PPFIA2: variants seen among roughly 807,000 people sequenced by gnomAD.
PPFIA2 encodes the protein liprin-alpha-2.
In PPFIA2, 46 loss-of-function variants were observed where a neutral mutation model predicts 175.5. The ratio of observed to expected loss-of-function variants is 0.26; its 90% confidence interval spans 0.21 to 0.34. PPFIA2 has a LOEUF of 0.34. PPFIA2 is among the 10% of genes least tolerant of loss of function. The probability of loss-of-function intolerance (pLI) is 1.00; values close to 1 mark genes in which losing one functional copy is unlikely to be tolerated. For synonymous variants in PPFIA2, 568 were observed against 511.4 expected (o/e 1.11, Z -1.49); for missense variants, 1,179 against 1,506.1 (o/e 0.78, Z 3.60).
rs1209332082 is a variant in PPFIA2 at position 81,267,304 on chromosome 12, T to C, written c.3487-284A>G. 1.5e-5 allele frequency: 7 copies of C among 459,636 alleles called. No homozygotes were observed. In the East Asian group the frequency reaches 3.7e-4, roughly 25 times the overall value. The allele number at this position is 459,636 out of a possible 1,614,324, so 28.5% of individuals were successfully genotyped here. A position where few individuals can be genotyped will look rare whatever the true frequency, so the allele number is the denominator to read the frequency against. ...TACTATATTTCAATTGAGTATTTTG[T>C]TTAATCTCTGAAATATGTAAAAACA... On this transcript the variant is annotated intron_variant, in intron 29 of 32. Coordinates refer to ENST00000549396, the MANE Select transcript of PPFIA2 (RefSeq NM_003625.5).
intron 4 of PPFIA2, among the ~76,000 whole-genome samples, chr12:81,497,062 C>T (rs1041350650): frequency 6.6e-5 from 10 of 152,116 alleles, no homozygotes; most frequent in African/African-American, 2.2e-4. Flanking sequence ...AATTAAAATT[C>T]CCAAATAATA....
intron 4 of PPFIA2, among the ~76,000 whole-genome samples, chr12:81,562,586 G>A (rs1427828931): frequency 1.3e-5 from 2 of 151,932 alleles, no homozygotes; most frequent in Non-Finnish European, 2.9e-5. Flanking sequence ...GGTGGCTCAC[G>A]CCTGTAATCC....
intron 4 of PPFIA2, among the ~76,000 whole-genome samples, chr12:81,651,236 G>A (rs1388812417): frequency 2.6e-5 from 4 of 152,120 alleles, no homozygotes; most frequent in South Asian, 4.1e-4. Context: ...GAGACTGCTG[G>A]AGGGAAAAGG....
intron 4 of PPFIA2, among the ~76,000 whole-genome samples, chr12:81,655,042 G>A (rs2067563241): frequency 6.6e-6 from 1 of 151,982 alleles, no homozygotes; most frequent in African/African-American, 2.4e-5. Context: ...TGGTTGAAGT[G>A]TGTTTTTCTA....
chr12:81,467,730 A>T (rs538116635), intron 4 of PPFIA2, among the ~76,000 whole-genome samples: 10 of 152,330 alleles, frequency 6.6e-5, no homozygotes, highest in African/African-American at 2.4e-4. Context: ...AAATGCAATG[A>T]TAGTATAAAA....
Position 81,304,867 on chromosome 12 carries a change from A to G in PPFIA2, c.2643-5485T>C, listed in dbSNP as rs118052442. Among the ~76,000 whole-genome samples the G allele has an allele frequency of 2.7e-3, 416 of 152,200 alleles. 1 individual carries two copies. The highest frequency in any genetic ancestry group is 4.4e-3 in the Non-Finnish European group (299 of 67,990). Reference sequence around the variant, plus strand: ...TCAGAGGGTTTAAGCACAAGAACATAAAATAATTTGTACATTATAAAGGCA... The same window carrying G: ...TCAGAGGGTTTAAGCACAAGAACATGAAATAATTTGTACATTATAAAGGCA... On this transcript the variant is annotated intron_variant, in intron 22 of 32. Coordinates refer to ENST00000549396, the MANE Select transcript of PPFIA2 (RefSeq NM_003625.5).
intron 7 of PPFIA2, among the ~76,000 whole-genome samples, chr12:81,426,604 T>G (rs1199956164): frequency 1.3e-5 from 2 of 152,202 alleles, no homozygotes; most frequent in African/African-American, 4.8e-5. Flanking sequence ...AGTAAAATCA[T>G]TAGCAGTCAA....
chr12:81,551,392 A>G (rs1340299690), intron 4 of PPFIA2, among the ~76,000 whole-genome samples: 1 of 152,038 alleles, frequency 6.6e-6, no homozygotes, highest in Non-Finnish European at 1.5e-5. Flanking sequence ...AGTACAGTCC[A>G]CCTTCCATGT....
intron 3 of PPFIA2, among the ~76,000 whole-genome samples, chr12:81,725,457 T>C (rs2079941734): frequency 1.3e-5 from 2 of 150,874 alleles, no homozygotes; most frequent in African/African-American, 2.4e-5. Flanking sequence ...TTTAGTTCTT[T>C]TAAACTGCAG....
chr12:81,452,993 T>C (rs1220840187), intron 5 of PPFIA2, among the ~76,000 whole-genome samples: 2 of 146,546 alleles, frequency 1.4e-5, no homozygotes, highest in Non-Finnish European at 3.0e-5. Context: ...TTTTCTTTTT[T>C]TTTAATTTTT....
chr12:81,547,479 G>T (rs541103487), intron 4 of PPFIA2, among the ~76,000 whole-genome samples: 4 of 151,800 alleles, frequency 2.6e-5, no homozygotes, highest in African/African-American at 9.7e-5. Flanking sequence ...TGGTTCAAGC[G>T]ATTCTCCTGC....
chr12:81,572,522 A>T (rs80212746), intron 4 of PPFIA2, among the ~76,000 whole-genome samples: 1,719 of 152,142 alleles, frequency 0.011, 33 homozygotes, highest in African/African-American at 0.039. Context: ...CAATGCCAAA[A>T]ACAGTGCCTA....
At chr12:81,353,074 A>G in intron 17 of PPFIA2, 45 bp downstream of exon 17, 1 of 1,534,796 alleles carries the variant, frequency 6.5e-7, no homozygotes, top group Non-Finnish European at 9.0e-7. Flanking sequence ...GTACAGTATC[A>G]AGGTCTTCTA....
intron 4 of PPFIA2, among the ~76,000 whole-genome samples, chr12:81,596,895 T>C (rs2059305065): frequency 1.3e-5 from 2 of 152,028 alleles, no homozygotes; most frequent in Non-Finnish European, 2.9e-5. Context: ...GAATTAAAAA[T>C]AGAAGTATAG....
intron 4 of PPFIA2, chr12:81,512,380 A>T: frequency 1.1e-5 from 14 of 1,286,892 alleles, no homozygotes; most frequent in Non-Finnish European, 1.3e-5. Flanking sequence ...TTCTCTGAGC[A>T]TTCTACCTTC....
At chr12:81,312,689 T>C (rs1264146254) in intron 22 of PPFIA2, among the ~76,000 whole-genome samples, 1 of 152,216 alleles carries the variant, frequency 6.6e-6, no homozygotes, top group East Asian at 1.9e-4. Flanking sequence ...AAAATCTAGA[T>C]TCTATTTCTC....
chr12:81,461,743 A>C (rs1429725108), intron 4 of PPFIA2, among the ~76,000 whole-genome samples: 1 of 151,434 alleles, frequency 6.6e-6, no homozygotes, highest in Non-Finnish European at 1.5e-5. Flanking sequence ...CTACCTTTTC[A>C]TTTTTTTCAA....
Position 81,746,158 on chromosome 12 carries a change from A to T in PPFIA2, c.249+7815T>A, listed in dbSNP as rs2083039062. Among the ~76,000 whole-genome samples the T allele has an allele frequency of 1.4e-5, 2 of 144,516 alleles. 1 individual carries two copies. Among genetic ancestry groups the T allele is most frequent in the Non-Finnish European group, 3.1e-5 (2 of 64,390 alleles). 94.8% of individuals were successfully genotyped at this position (144,516 alleles called of 152,430 possible). ...ACTTTAATATCTGGGTGCTTAAATAAAATACTGAATGGCATAGCGGGAGTG... is the reference window on the plus strand; with the variant it reads ...ACTTTAATATCTGGGTGCTTAAATATAATACTGAATGGCATAGCGGGAGTG... On this transcript the variant is annotated intron_variant, in intron 3 of 32. Coordinates refer to ENST00000549396, the MANE Select transcript of PPFIA2 (RefSeq NM_003625.5).
At chr12:81,453,364 A>C (rs1023617832) in intron 5 of PPFIA2, among the ~76,000 whole-genome samples, 3 of 152,148 alleles carry the variant, frequency 2.0e-5, no homozygotes, top group African/African-American at 7.2e-5. Context: ...TGACATTCAC[A>C]GGCAATAACT....
Sources: allele counts gnomAD v4.1 joint callset (sites outside exome capture counted in the v4.1 genomes callset), GRCh38; gene constraint gnomAD v4.1.1; transcripts MANE v1.5; gene names NCBI Gene and HGNC (gene_info 2026-07-23, HGNC 2026-07-21).